Variants in TRPC5 observed in about 807,000 individuals in gnomAD.
TRPC5 encodes the protein short transient receptor potential channel 5.
TRPC5 carries 9 observed loss-of-function variants against 56.5 expected under a neutral mutation model. The observed-to-expected ratio is 0.16, with a 90% CI of 0.10 to 0.28. The LOEUF is 0.28. Ranked by LOEUF, TRPC5 falls within the 10% of genes least tolerant of loss-of-function variation. The pLI is 1.00. For missense variants in TRPC5, 469 were observed against 748.9 expected, an observed-to-expected ratio of 0.63 and a Z score of 4.36; for synonymous variants, 282 against 278.5, an observed-to-expected ratio of 1.01 and a Z score of -0.13.
At chrX:111,984,675 T>A (rs896438550) in intron 1 of TRPC5, among the ~76,000 whole-genome samples, 1 of 111,794 alleles carries the variant, frequency 8.9e-6, no homozygotes, top group African/African-American at 3.3e-5. Flanking sequence ...CAGAATATCA[T>A]CAATGTAATG....
intron 1 of TRPC5, among the ~76,000 whole-genome samples, chrX:111,989,209 T>C (rs1271340607): frequency 9.0e-6 from 1 of 111,620 alleles, no homozygotes; most frequent in African/African-American, 3.3e-5. Context: ...TCAGGGAATT[T>C]ACAGATGAAA....
At chrX:112,028,660 T>C (rs1433917797) in intron 1 of TRPC5, among the ~76,000 whole-genome samples, 1 of 112,473 alleles carries the variant, frequency 8.9e-6, no homozygotes, top group Non-Finnish European at 1.9e-5. Context: ...CACATTTTCT[T>C]AATCCAGTCT....
intron 1 of TRPC5, among the ~76,000 whole-genome samples, chrX:111,981,996 C>G (rs1928094380): frequency 9.0e-6 from 1 of 111,068 alleles, no homozygotes; most frequent in Non-Finnish European, 1.9e-5. Context: ...TGAGTTATCA[C>G]AAGATCTGAT....
At chrX:111,837,433 G>A (rs886794483) in intron 6 of TRPC5, among the ~76,000 whole-genome samples, 1 of 111,715 alleles carries the variant, frequency 9.0e-6, no homozygotes, top group Non-Finnish European at 1.9e-5. Flanking sequence ...ACAGAAGCCA[G>A]GGCAGATTGT....
intron 1 of TRPC5, among the ~76,000 whole-genome samples, chrX:112,026,393 G>A (rs903881664): frequency 1.7e-4 from 19 of 112,355 alleles, no homozygotes; most frequent in Middle Eastern, 4.6e-3. Context: ...TATTTTAATT[G>A]AAGAATTTGA....
intron 1 of TRPC5, among the ~76,000 whole-genome samples, chrX:112,081,126 T>C (rs770871625): frequency 5.4e-5 from 6 of 111,725 alleles, no homozygotes; most frequent in Non-Finnish European, 9.4e-5. Context: ...AGAGCCCAGG[T>C]TGTAATAGGG....
At chrX:112,079,426 A>G (rs1930910536) in intron 1 of TRPC5, among the ~76,000 whole-genome samples, 1 of 112,289 alleles carries the variant, frequency 8.9e-6, no homozygotes, top group Admixed American at 9.4e-5. Context: ...AAGGTTCCCA[A>G]TTCCCTGGTA....
At chrX:112,030,670 C>T (rs1480980948) in intron 1 of TRPC5, among the ~76,000 whole-genome samples, 2 of 112,204 alleles carry the variant, frequency 1.8e-5, no homozygotes, top group Non-Finnish European at 3.8e-5. Flanking sequence ...TATCCTTTCA[C>T]ACAGAATGTT....
At chrX:112,009,957 G>C (rs913193234) in intron 1 of TRPC5, among the ~76,000 whole-genome samples, 2 of 111,388 alleles carry the variant, frequency 1.8e-5, no homozygotes, top group African/African-American at 6.5e-5. Context: ...TAACAAACCT[G>C]CACGTTGTGC....
intron 2 of TRPC5, among the ~76,000 whole-genome samples, chrX:111,926,349 G>T (rs935049150): frequency 1.7e-4 from 19 of 111,405 alleles, no homozygotes; most frequent in African/African-American, 5.9e-4. Context: ...CTCTAAAAGT[G>T]CATTGTGCAT....
intron 1 of TRPC5, among the ~76,000 whole-genome samples, chrX:112,024,399 G>T (rs1354839788): frequency 8.9e-6 from 1 of 111,755 alleles, no homozygotes; most frequent in Non-Finnish European, 1.9e-5. Flanking sequence ...GACCCTTCCT[G>T]CCTGACTACT....
At chrX:111,962,794 A>G (rs1191286230) in intron 1 of TRPC5, among the ~76,000 whole-genome samples, 1 of 112,314 alleles carries the variant, frequency 8.9e-6, no homozygotes, top group Non-Finnish European at 1.9e-5. Flanking sequence ...GGAAGAGTCA[A>G]TCGATGTGGC....
intron 1 of TRPC5, among the ~76,000 whole-genome samples, chrX:112,021,959 ATTG>A (rs1464329140): frequency 2.7e-5 from 3 of 112,370 alleles, no homozygotes; most frequent in Admixed American, 9.4e-5. Context: ...CTTTTACAGA[ATTG>A]TTGTGAGGAA....
rs1359927863 is a variant in TRPC5 at position 111,774,580 on chromosome X, T to A, written c.*1733A>T. 3.6e-5 allele frequency: 4 copies of A among 111,239 alleles called. No homozygotes were observed. Among genetic ancestry groups the A allele is most frequent in the African/African-American group, 1.3e-4 (4 of 30,610 alleles). The allele number at this position is 111,239 out of a possible 1,213,427, so 9.2% of individuals were successfully genotyped here. A position where few individuals can be genotyped will look rare whatever the true frequency, so the allele number is the denominator to read the frequency against. The stretch of plus-strand genomic sequence containing the variant: ...ATGCAGCTTTTTCACTTGATCACTT[T>A]TTCCTGGATATGAGGCTTTATTCTT... On this transcript the variant is annotated 3_prime_UTR_variant, in exon 11 of 11. Coordinates refer to ENST00000262839, the MANE Select transcript of TRPC5 (RefSeq NM_012471.3).
At chrX:111,835,264 C>T (rs1013796864) in intron 6 of TRPC5, 148 bp from the exon 7 acceptor site, 1 of 448,736 alleles carries the variant, frequency 2.2e-6, no homozygotes, top group African/African-American at 2.4e-5. Context: ...TCTTCCCTAA[C>T]ACAGACTGAC....
intron 1 of TRPC5, among the ~76,000 whole-genome samples, chrX:112,001,359 C>G (rs1383356243): frequency 8.9e-6 from 1 of 112,082 alleles, no homozygotes; most frequent in Non-Finnish European, 1.9e-5. Context: ...GGAGGTAATA[C>G]CATACACACA....
chrX:111,776,771 C>T lies in TRPC5; in HGVS notation c.2464G>A (p.Gly822Ser). The change falls in exon 11 of 11, where the codon GGT becomes AGT. Residue 822 changes from glycine (G) to serine (S), a missense_variant. Gly to Ser is a moderately conservative substitution (Grantham distance 56). This residue lies in a region of TRPC5 where 194 missense variants were observed against 221.8 expected (regional missense o/e 0.87). Transcript: ENST00000262839. ...TCAGCTTTTGACTTTCCTTGGGCAC[C>T]ACTGGACCTTGGCATGGTTCTGATG... Reference protein sequence around the residue: ...PLIRTMPRSSGAQGKSKAESS... With the variant: ...PLIRTMPRSSSAQGKSKAESS... 8.3e-7 allele frequency: 1 copy of T among 1,210,348 alleles called. No homozygotes were observed. The highest frequency in any genetic ancestry group is 1.1e-6 in the Non-Finnish European group (1 of 894,867).
intron 7 of TRPC5, among the ~76,000 whole-genome samples, chrX:111,805,475 T>TG (rs1275648961): frequency 9.0e-6 from 1 of 111,432 alleles, no homozygotes; most frequent in African/African-American, 3.3e-5. Flanking sequence ...TGAATCCATC[T>TG]GGACCTTGAC....
chrX:111,772,558 C>T lies in TRPC5; in HGVS notation c.*3755G>A, dbSNP rs1945849380. Among the ~76,000 whole-genome samples, 1 of 111,304 alleles carries T rather than the reference C, an allele frequency of 9.0e-6. No individual in the cohort carries two copies. Among genetic ancestry groups the T allele is most frequent in the Non-Finnish European group, 1.9e-5 (1 of 53,142 alleles). ...AAGTGATTCTCATGCCTCAGCCTCT[C>T]AAGTAGTTGGACTACAGGCGTGTAC... On this transcript the variant is annotated 3_prime_UTR_variant, in exon 11 of 11. Transcript: ENST00000262839.
Sources: allele counts gnomAD v4.1 joint callset (sites outside exome capture counted in the v4.1 genomes callset), GRCh38; gene constraint gnomAD v4.1.1; regional missense constraint gnomAD v4.1.1; transcripts MANE v1.5; gene names NCBI Gene and HGNC (gene_info 2026-07-23, HGNC 2026-07-21).